The following POU6F2 variants were observed in gnomAD, a reference collection of about 807,000 sequenced individuals.
POU6F2 encodes the protein POU domain, class 6, transcription factor 2.
A neutral mutation model predicts 71.3 loss-of-function variants in POU6F2; 31 were observed. The observed-to-expected ratio is 0.43, with a 90% CI of 0.33 to 0.59. The LOEUF is 0.59. Ranked by LOEUF, POU6F2 falls within the 20% of genes least tolerant of loss-of-function variation. The probability of loss-of-function intolerance (pLI) is 0.04; values close to 1 mark genes in which losing one functional copy is unlikely to be tolerated. For synonymous variants in POU6F2, 347 were observed against 355.7 expected (o/e 0.98, Z 0.27); for missense variants, 783 against 856.8 (o/e 0.91, Z 1.07).
At position 39,467,599 on chromosome 7, in the gene POU6F2, C is replaced by T. The variant is rs986629400; in HGVS notation, c.*2913C>T. The T allele has an allele frequency of 6.6e-6, 1 of 152,186 alleles. No homozygotes were observed. The highest frequency in any genetic ancestry group is 6.5e-5 in the Admixed American group (1 of 15,282). 9.4% of individuals were successfully genotyped at this position (152,186 alleles called of 1,614,324 possible). A position where few individuals can be genotyped will look rare whatever the true frequency, so the allele number is the denominator to read the frequency against. ...ATGACAGTGGATATTACATTTTACA[C>T]TTGTTTATAGATTTTCTTTCTTTTT... On this transcript the variant is annotated 3_prime_UTR_variant, in exon 10 of 10. Coordinates refer to ENST00000518318, the MANE Select transcript of POU6F2 (RefSeq NM_001370959.1).
chr7:38,980,977 C>G (rs1467413424), intron 1 of POU6F2, among the ~76,000 whole-genome samples: 1 of 152,092 alleles, frequency 6.6e-6, no homozygotes, highest in Non-Finnish European at 1.5e-5. Flanking sequence ...TTCTCCTCCC[C>G]CAAGCAAGCA....
intron 2 of POU6F2, among the ~76,000 whole-genome samples, chr7:39,181,422 G>T (rs112189522): frequency 1.3e-5 from 2 of 152,130 alleles, no homozygotes; most frequent in African/African-American, 4.8e-5. Context: ...GAGACCATAT[G>T]TGGAGCCTAG....
intron 5 of POU6F2, among the ~76,000 whole-genome samples, chr7:39,348,961 TCAC>T (rs1465723221): frequency 1.3e-5 from 2 of 152,206 alleles, no homozygotes; most frequent in African/African-American, 4.8e-5. Flanking sequence ...GCCTTTTATT[TCAC>T]ATAATGCTAA....
intron 4 of POU6F2, among the ~76,000 whole-genome samples, chr7:39,323,034 T>A (rs1346162038): frequency 6.6e-6 from 1 of 151,398 alleles, no homozygotes; most frequent in African/African-American, 2.4e-5. Flanking sequence ...AAATTACAGC[T>A]CCCTACAATT....
chr7:39,003,011 A>G (rs859550), intron 1 of POU6F2, among the ~76,000 whole-genome samples: 38,123 of 152,168 alleles, frequency 0.25, 5,133 homozygotes, highest in Middle Eastern at 0.33. Flanking sequence ...AAGCCAACAC[A>G]ATTTAGTTAT....
At chr7:39,365,459 C>A (rs946979912) in intron 5 of POU6F2, among the ~76,000 whole-genome samples, 4 of 152,010 alleles carry the variant, frequency 2.6e-5, no homozygotes, top group African/African-American at 9.7e-5. Flanking sequence ...TTGCAAAAAC[C>A]CTTCTAGACT....
chr7:38,980,213 G>A (rs1355851389), intron 1 of POU6F2, among the ~76,000 whole-genome samples: 2 of 152,076 alleles, frequency 1.3e-5, no homozygotes, highest in Non-Finnish European at 2.9e-5. Context: ...TGTTAAAAAC[G>A]CCTCAAAATG....
chr7:39,038,215 T>C (rs1790107845), intron 1 of POU6F2, among the ~76,000 whole-genome samples: 1 of 152,042 alleles, frequency 6.6e-6, no homozygotes, highest in South Asian at 2.1e-4. Context: ...AAGATGAGGA[T>C]ACAAGATCAC....
chr7:39,401,797 G>A (rs1053864770), intron 5 of POU6F2, among the ~76,000 whole-genome samples: 1 of 152,122 alleles, frequency 6.6e-6, no homozygotes, highest in Non-Finnish European at 1.5e-5. Flanking sequence ...AAATTGAAAA[G>A]TTAGTAGCAA....
chr7:39,031,581 T>C (rs1789943072), intron 1 of POU6F2, among the ~76,000 whole-genome samples: 1 of 152,092 alleles, frequency 6.6e-6, no homozygotes, highest in Non-Finnish European at 1.5e-5. Flanking sequence ...TCATTTAGCT[T>C]TCTTAGCATT....
chr7:39,293,067 A>G (rs925932261), intron 4 of POU6F2, among the ~76,000 whole-genome samples: 3 of 151,974 alleles, frequency 2.0e-5, no homozygotes, highest in Non-Finnish European at 4.4e-5. Flanking sequence ...AAAGCCACCA[A>G]TCTAGCTCTG....
intron 2 of POU6F2, among the ~76,000 whole-genome samples, chr7:39,120,052 T>C (rs1383988021): frequency 6.6e-6 from 1 of 152,268 alleles, no homozygotes; most frequent in Non-Finnish European, 1.5e-5. Context: ...CCAGCACTTG[T>C]CTGTAAGAGT....
rs58654872 is a variant in POU6F2 at position 39,190,631 on chromosome 7, C to CTT, written c.278-13579_278-13578dup. Among the ~76,000 whole-genome samples the CTT allele has an allele frequency of 5.3e-3, 397 of 74,208 alleles. 22 individuals are homozygous for CTT. Among genetic ancestry groups the CTT allele is most frequent in the Admixed American group, 0.021 (121 of 5,820 alleles). 48.7% of individuals were successfully genotyped at this position (74,208 alleles called of 152,430 possible). On this transcript the variant is annotated intron_variant, in intron 2 of 9. Coordinates refer to ENST00000518318, the MANE Select transcript of POU6F2 (RefSeq NM_001370959.1). ...GATCCCTTCTTGTTTGAGTCAACTT[C>CTT]TTTTTTTTTTTTTTTTTTTTTTTTT...
At chr7:39,302,037 C>G (rs868466842) in intron 4 of POU6F2, among the ~76,000 whole-genome samples, 1 of 152,132 alleles carries the variant, frequency 6.6e-6, no homozygotes. Flanking sequence ...AGTTACAACC[C>G]GCTTATTTAA....
chr7:39,333,965 G>A (rs767624826), intron 4 of POU6F2, among the ~76,000 whole-genome samples: 2 of 152,110 alleles, frequency 1.3e-5, no homozygotes, highest in Non-Finnish European at 2.9e-5. Context: ...AGCTCCCTTG[G>A]TGATTCTGGT....
chr7:38,983,302 A>G (rs748600811), intron 1 of POU6F2, among the ~76,000 whole-genome samples: 1 of 152,034 alleles, frequency 6.6e-6, no homozygotes, highest in Non-Finnish European at 1.5e-5. Context: ...TGCTCTATAT[A>G]TAATCTCAAA....
chr7:39,373,881 G>GT (rs1030234512), intron 5 of POU6F2, among the ~76,000 whole-genome samples: 8 of 151,924 alleles, frequency 5.3e-5, no homozygotes, highest in Non-Finnish European at 1.0e-4. Context: ...CCAAAAAGAA[G>GT]TTTTTTTTCA....
intron 1 of POU6F2, among the ~76,000 whole-genome samples, chr7:39,031,089 C>T (rs1789931840): frequency 1.3e-5 from 2 of 151,934 alleles, no homozygotes; most frequent in Admixed American, 6.6e-5. Context: ...TTAGTAGAAA[C>T]GGGGTTTCAC....
intron 4 of POU6F2, among the ~76,000 whole-genome samples, chr7:39,305,425 A>AT (rs960916849): frequency 3.3e-5 from 5 of 152,136 alleles, no homozygotes; most frequent in African/African-American, 9.7e-5. Flanking sequence ...CTTAAACAGT[A>AT]TTTTTTTTAA....
Sources: gnomAD v4.1 joint callset for allele counts (sites outside exome capture counted in the v4.1 genomes callset) on GRCh38, gnomAD v4.1.1 for gene constraint, MANE v1.5 for transcripts, NCBI Gene and HGNC (gene_info 2026-07-23, HGNC 2026-07-21) for gene names.